The following FANCD2OS variants were observed in gnomAD, a reference collection of about 807,000 sequenced individuals.
FANCD2OS encodes the protein FANCD2 opposite strand.
Under a neutral mutation model 13.2 loss-of-function variants are expected in FANCD2OS, and 11 were observed. That is an observed-to-expected ratio of 0.83 (90% CI 0.52 to 1.38). The LOEUF is 1.38. Among genes scored for constraint, FANCD2OS ranks in the 40% most tolerant of loss-of-function variants. The pLI, the probability that FANCD2OS is intolerant of heterozygous loss-of-function variation, is 0.00. For synonymous variants in FANCD2OS, 69 were observed against 84.5 expected, an observed-to-expected ratio of 0.82 and a Z score of 1.01; for missense variants, 217 against 213.9, an observed-to-expected ratio of 1.01 and a Z score of -0.09.
chr3:10,096,869 A>G (rs1456086251), intron 2 of FANCD2OS, among the ~76,000 whole-genome samples: 1 of 152,160 alleles, frequency 6.6e-6, no homozygotes, highest in African/African-American at 2.4e-5. Flanking sequence ...TATTCCAGAA[A>G]TTACAAATTA....
chr3:10,087,268 A>G (rs879212226), intron 2 of FANCD2OS: 1 of 1,306,662 alleles, frequency 7.7e-7, no homozygotes, highest in Non-Finnish European at 1.1e-6. Context: ...AAAATTGGTG[A>G]TGGGCCTAGA....
Position 10,092,026 on chromosome 3 carries a change from G to A in FANCD2OS, c.*44-10495C>T, listed in dbSNP as rs9849434. 0.24 allele frequency among the ~76,000 whole-genome samples: 36,775 copies of A among 152,194 alleles called. 5,942 individuals are homozygous for A. The highest frequency in any genetic ancestry group is 0.46 in the African/African-American group (19,181 of 41,486). On this transcript the variant is annotated intron_variant, in intron 2 of 2. Transcript: ENST00000524279. Reference sequence around the variant, plus strand: ...GTTACCACAACATGTGCAGGCCTCAGAACCATCTTGTGGATGCACTGGTTG... The same window carrying A: ...GTTACCACAACATGTGCAGGCCTCAAAACCATCTTGTGGATGCACTGGTTG...
downstream of FANCD2OS, among the ~76,000 whole-genome samples, chr3:10,100,405 C>T (rs566582594): frequency 1.3e-5 from 2 of 152,198 alleles, no homozygotes; most frequent in African/African-American, 4.8e-5. Flanking sequence ...ACGGAGTCTC[C>T]CTCTGTCGCC....
chr3:10,098,793 C>T (rs766662733), downstream of FANCD2OS: 2 of 1,614,164 alleles, frequency 1.2e-6, no homozygotes, highest in Admixed American at 3.3e-5. Flanking sequence ...TCATCCCAGG[C>T]CTCCAAGAGC....
chr3:10,083,177 A>G (rs889461856), intron 2 of FANCD2OS, among the ~76,000 whole-genome samples: 2 of 152,178 alleles, frequency 1.3e-5, no homozygotes, highest in African/African-American at 2.4e-5. Flanking sequence ...CAGTGAGCCA[A>G]GATTGCAACA....
intron 2 of FANCD2OS, chr3:10,095,083 G>C: frequency 1.2e-6 from 1 of 825,388 alleles, no homozygotes; most frequent in South Asian, 1.4e-5. Context: ...ATGATTATCA[G>C]CATAGGCTGG....
chr3:10,095,483 C>A, intron 2 of FANCD2OS: 1 of 598,450 alleles, frequency 1.7e-6, no homozygotes, highest in South Asian at 2.0e-5. Flanking sequence ...TTGATTCAAA[C>A]TCCAAAGCTC....
chr3:10,090,165 C>T, intron 2 of FANCD2OS: 1 of 697,404 alleles, frequency 1.4e-6, no homozygotes, highest in Non-Finnish European at 2.6e-6. Context: ...CATCCTCTTA[C>T]TAAGGACCCT....
intron 2 of FANCD2OS, chr3:10,096,295 C>G (rs1417838564): frequency 6.2e-7 from 1 of 1,612,080 alleles, no homozygotes; most frequent in Non-Finnish European, 8.5e-7. Context: ...GATAAACTCA[C>G]AAAAGATGGA....
rs781344292 is a variant in FANCD2OS, at chr3:10,090,362, G to A, written c.*44-8831C>T. 3.7e-6 allele frequency: 6 copies of A among 1,611,480 alleles called. No homozygotes were observed. The South Asian group carries it at 6.6e-5, about 18-fold the overall frequency. ...GAAGACGGTGAAAAAAATTGAGCCT[G>A]GCACAGCAGCAGACTCGCAGCAGGT... On this transcript the variant is annotated intron_variant, in intron 2 of 2. Coordinates refer to the FANCD2OS transcript ENST00000524279.
intron 2 of FANCD2OS, among the ~76,000 whole-genome samples, chr3:10,082,382 C>T (rs1693896262): frequency 2.0e-5 from 3 of 152,296 alleles, no homozygotes; most frequent in African/African-American, 7.2e-5. Context: ...CACTTGGCCT[C>T]TCTCAGTCCA....
chr3:10,103,391 A>G (rs915603207), downstream of FANCD2OS, among the ~76,000 whole-genome samples: 1 of 152,078 alleles, frequency 6.6e-6, no homozygotes, highest in African/African-American at 2.4e-5. Flanking sequence ...AACAAGAGCA[A>G]AACTCCATCT....
At chr3:10,100,116 A>T (rs1406833879), downstream of FANCD2OS, among the ~76,000 whole-genome samples, 1 of 151,984 alleles carries the variant, frequency 6.6e-6, no homozygotes, top group Non-Finnish European at 1.5e-5. Flanking sequence ...CAAGCCCAGG[A>T]GGTGGAGGCT....
chr3:10,096,981 G>T (rs1327657837), intron 2 of FANCD2OS, among the ~76,000 whole-genome samples: 1 of 152,156 alleles, frequency 6.6e-6, no homozygotes, highest in Non-Finnish European at 1.5e-5. Flanking sequence ...ACAAAAGAGA[G>T]AAATTTTAAA....
downstream of FANCD2OS, chr3:10,099,170 A>G (rs770674504): frequency 4.8e-4 from 683 of 1,427,192 alleles, 1 homozygote; most frequent in Non-Finnish European, 6.0e-4. Context: ...AAACCATTTA[A>G]ACACATTTGA....
intron 2 of FANCD2OS, among the ~76,000 whole-genome samples, chr3:10,088,146 A>G (rs937160707): frequency 6.6e-5 from 10 of 152,116 alleles, no homozygotes; most frequent in African/African-American, 2.4e-4. Flanking sequence ...TGGCCTTCCC[A>G]CTGCCCAGCA....
At chr3:10,096,496 A>G in intron 2 of FANCD2OS, 1 of 1,611,480 alleles carries the variant, frequency 6.2e-7, no homozygotes. Flanking sequence ...CCTGCTAGTG[A>G]TAATCCCCTA....
chr3:10,088,533 C>A lies in FANCD2OS; in HGVS notation c.*44-7002G>T. ...AACATCTCTAATGACCAGCTCCATG[C>A]TCTGCTCTGGTGAGATGTTTGGTTT... On this transcript the variant is annotated intron_variant, in intron 2 of 2. Coordinates refer to the FANCD2OS transcript ENST00000524279. The A allele has an allele frequency of 6.3e-7, 1 of 1,599,962 alleles. No homozygotes were observed. Among genetic ancestry groups the A allele is most frequent in the Admixed American group, 1.7e-5 (1 of 60,012 alleles).
Position 10,104,633 on chromosome 3 carries a change from C to A in FANCD2OS, c.142G>T (p.Val48Leu), listed in dbSNP as rs1343950062. ...CFPHTPSDLE[V>L]QLCFQEVTLV... ...GTGACCTCTTGAAAGCACAGCTGCA[C>A]TTCAAGGTCGGACGGTGTGTGTGGG... Residue 48 changes from valine to leucine, a missense_variant, in exon 2 of 2, where the codon GTG becomes TTG. By Grantham distance (32) the Val-to-Leu change is conservative. Coordinates refer to ENST00000450660, the MANE Select transcript of FANCD2OS (RefSeq NM_001164839.2). 1.2e-6 allele frequency: 2 copies of A among 1,614,182 alleles called. No homozygotes were observed. The highest frequency in any genetic ancestry group is 2.2e-5 in the East Asian group (1 of 44,880).
Sources: gnomAD v4.1 joint callset for allele counts (sites outside exome capture counted in the v4.1 genomes callset) on GRCh38, gnomAD v4.1.1 for gene constraint, MANE v1.5 for transcripts, NCBI Gene and HGNC (gene_info 2026-07-23, HGNC 2026-07-21) for gene names.